Variants in SCRG1 observed in about 807,000 individuals in gnomAD.
The protein encoded by SCRG1 is stimulator of chondrogenesis 1, also known as scrapie-responsive protein 1.
A neutral mutation model predicts 7.7 loss-of-function variants in SCRG1; 3 were observed. The observed-to-expected ratio is 0.39, with a 90% confidence interval of 0.18 to 1.01. The LOEUF is 1.01. Among genes scored for constraint, SCRG1 ranks in the 50% least tolerant of loss-of-function variants. The pLI is 0.36. For synonymous variants in SCRG1, 46 were observed against 41.2 expected (o/e 1.12, Z -0.44); for missense variants, 110 against 117.2 (o/e 0.94, Z 0.28).
chr4:173,485,331 C>T, the SCRG1 span, among the ~76,000 whole-genome samples: 1 of 147,794 alleles, frequency 6.8e-6, no homozygotes, highest in Non-Finnish European at 1.5e-5. Flanking sequence ...GTGAATTAGT[C>T]ACTACCAAGT....
At chr4:173,393,570 C>G (rs923798189) in intron 1 of SCRG1, among the ~76,000 whole-genome samples, 2 of 152,100 alleles carry the variant, frequency 1.3e-5, no homozygotes, top group Admixed American at 6.5e-5. Flanking sequence ...TCTGTATGTA[C>G]TTGAGAAGAA....
At chr4:173,444,362 G>C in the SCRG1 span, among the ~76,000 whole-genome samples, 3 of 152,152 alleles carry the variant, frequency 2.0e-5, no homozygotes, top group African/African-American at 7.2e-5. Context: ...ATGTAATTCT[G>C]TACACCAATG....
the SCRG1 span, among the ~76,000 whole-genome samples, chr4:173,515,419 T>C: frequency 3.9e-5 from 3 of 77,140 alleles, no homozygotes; most frequent in East Asian, 7.7e-4. This position sits in a 1 kb window ranked among gnomAD's most constrained non-coding sequence, Gnocchi z 4.6. Context: ...AAGGTGTTTG[T>C]GCTAAAAAAA....
the SCRG1 span, among the ~76,000 whole-genome samples, chr4:173,415,878 G>C: frequency 6.6e-6 from 1 of 152,170 alleles, no homozygotes; most frequent in East Asian, 1.9e-4. Context: ...AACACACCAA[G>C]AGCTGGAGAA....
chr4:173,455,728 G>A, the SCRG1 span, among the ~76,000 whole-genome samples: 9 of 152,132 alleles, frequency 5.9e-5, no homozygotes, highest in Non-Finnish European at 1.0e-4. Context: ...GAAAATGACC[G>A]CGCCCAAAGC....
chr4:173,485,337 C>G, the SCRG1 span, among the ~76,000 whole-genome samples: 1 of 148,180 alleles, frequency 6.7e-6, no homozygotes, highest in Non-Finnish European at 1.5e-5. Context: ...TAGTCACTAC[C>G]AAGTAAATCA....
At chr4:173,407,106 G>A (rs1739929045), upstream of SCRG1, among the ~76,000 whole-genome samples, 3 of 151,926 alleles carry the variant, frequency 2.0e-5, no homozygotes, top group Non-Finnish European at 4.4e-5. Context: ...CTGCTCAGGA[G>A]GCTGAGACAG....
the SCRG1 span, among the ~76,000 whole-genome samples, chr4:173,495,563 G>A: frequency 6.6e-6 from 1 of 152,236 alleles, no homozygotes; most frequent in Admixed American, 6.5e-5. Flanking sequence ...AATGATTCAT[G>A]TACATTGCTA....
At chr4:173,462,960 C>A in the SCRG1 span, among the ~76,000 whole-genome samples, 2 of 152,028 alleles carry the variant, frequency 1.3e-5, no homozygotes, top group South Asian at 4.2e-4. Flanking sequence ...AACGGACACA[C>A]AAAAATTAAA....
the SCRG1 span, among the ~76,000 whole-genome samples, chr4:173,449,770 C>A: frequency 6.6e-6 from 1 of 152,148 alleles, no homozygotes; most frequent in Non-Finnish European, 1.5e-5. Context: ...TTTTATTCTG[C>A]CATTTGACAT....
chr4:173,509,239 G>A, the SCRG1 span, among the ~76,000 whole-genome samples: 4 of 152,286 alleles, frequency 2.6e-5, no homozygotes, highest in East Asian at 7.8e-4. This position sits in a 1 kb window ranked among gnomAD's most constrained non-coding sequence, Gnocchi z 5.7. Flanking sequence ...AGGGTTGCGC[G>A]CGCGCGTGCG....
At chr4:173,471,029 A>G in the SCRG1 span, among the ~76,000 whole-genome samples, 2 of 152,204 alleles carry the variant, frequency 1.3e-5, no homozygotes, top group East Asian at 3.8e-4. Context: ...GAAACATGGA[A>G]ACCCTGTTCA....
Position 173,388,312 on chromosome 4 carries a change from A to G in SCRG1, c.*29T>C, listed in dbSNP as rs149730292. The G allele has an allele frequency of 1.4e-4, 217 of 1,564,702 alleles. No homozygotes were observed. The African/African-American group carries it at 2.5e-3, about 18-fold the overall frequency. On this transcript the variant is annotated 3_prime_UTR_variant, in exon 3 of 3. Transcript: ENST00000296506. ...TAGTGCAGTTTGTGGGAAATCAGGA[A>G]TGGTGTTCTCCAGAATACATGAAGA... is the stretch of plus-strand genomic sequence containing the variant.
chr4:173,489,645 AAAG>A, the SCRG1 span, among the ~76,000 whole-genome samples: 393 of 152,300 alleles, frequency 2.6e-3, 1 homozygote, highest in African/African-American at 9.0e-3. Context: ...GCTGGGATCA[AAAG>A]AAGAAGACAT....
the SCRG1 span, among the ~76,000 whole-genome samples, chr4:173,426,538 C>A: frequency 6.6e-6 from 1 of 152,208 alleles, no homozygotes; most frequent in African/African-American, 2.4e-5. Flanking sequence ...ACGATCATGG[C>A]TCAATGCAGC....
At chr4:173,507,775 G>A in the SCRG1 span, among the ~76,000 whole-genome samples, 1 of 152,204 alleles carries the variant, frequency 6.6e-6, no homozygotes, top group African/African-American at 2.4e-5. The surrounding 1 kb of genome is among the most constrained non-coding windows in gnomAD (Gnocchi z 4.4). Flanking sequence ...GAGCAGTTGC[G>A]GGAGGGCTGG....
chr4:173,515,794 C>T, the SCRG1 span, among the ~76,000 whole-genome samples: 2 of 152,116 alleles, frequency 1.3e-5, no homozygotes, highest in African/African-American at 4.8e-5. The surrounding 1 kb of genome is among the most constrained non-coding windows in gnomAD (Gnocchi z 4.6). Flanking sequence ...CTCCTAATTG[C>T]TCCAAATCCA....
the SCRG1 span, among the ~76,000 whole-genome samples, chr4:173,516,385 C>T: frequency 6.6e-6 from 1 of 152,238 alleles, no homozygotes; most frequent in African/African-American, 2.4e-5. Flanking sequence ...CAATAGGCAT[C>T]TGCAGGCGGC....
At chr4:173,513,029 A>C in the SCRG1 span, among the ~76,000 whole-genome samples, 1 of 152,204 alleles carries the variant, frequency 6.6e-6, no homozygotes, top group Non-Finnish European at 1.5e-5. Context: ...ATTATAACCC[A>C]TATGAACCAT....
Sources: gnomAD v4.1 joint callset for allele counts (sites outside exome capture counted in the v4.1 genomes callset) on GRCh38, gnomAD v4.1.1 for gene constraint, Gnocchi (gnomAD v3.1) non-coding constraint, MANE v1.5 for transcripts, NCBI Gene and HGNC (gene_info 2026-07-23, HGNC 2026-07-21) for gene names.